Variants in PTDSS1 observed in about 807,000 individuals in gnomAD.
The protein encoded by PTDSS1 is PSS-1.
In PTDSS1, 45 loss-of-function variants were observed where a neutral mutation model predicts 70.5. The observed-to-expected ratio is 0.64, with a 90% confidence interval of 0.50 to 0.82. PTDSS1 has a LOEUF of 0.82. PTDSS1 is among the 40% of genes least tolerant of loss of function. PTDSS1 has a pLI of 0.00. For missense variants in PTDSS1, 417 were observed against 586.1 expected, an observed-to-expected ratio of 0.71 and a Z score of 2.98; for synonymous variants, 188 against 203.8, an observed-to-expected ratio of 0.92 and a Z score of 0.66.
chr8:96,286,641 C>G (rs1250976561), intron 3 of PTDSS1, among the ~76,000 whole-genome samples: 2 of 152,220 alleles, frequency 1.3e-5, no homozygotes. Context: ...CTCCATTCCC[C>G]TCTCTGCCAG....
chr8:96,305,291 T>C (rs985059654), intron 7 of PTDSS1, among the ~76,000 whole-genome samples: 1 of 152,218 alleles, frequency 6.6e-6, no homozygotes, highest in South Asian at 2.1e-4. Flanking sequence ...TATGTGATAT[T>C]AATTAGACTA....
chr8:96,276,435 A>G (rs1810642086), intron 2 of PTDSS1, among the ~76,000 whole-genome samples: 1 of 152,188 alleles, frequency 6.6e-6, no homozygotes, highest in Non-Finnish European at 1.5e-5. Flanking sequence ...GATTCTGGAA[A>G]GATAAAACTG....
chr8:96,262,546 T>A lies in PTDSS1; in HGVS notation c.179+327T>A, dbSNP rs552834778. ...CACACAACATCACGACGCGGGCCCC[T>A]CCTCTGCACTGCTCCAGCCTTCGTC... On this transcript the variant is annotated intron_variant, in intron 1 of 12. Coordinates refer to ENST00000517309, the MANE Select transcript of PTDSS1 (RefSeq NM_014754.3). The surrounding 1 kb of genome is among the most constrained non-coding windows in gnomAD (Gnocchi z 4.4). Among the ~76,000 whole-genome samples, 81 of 152,024 alleles carry A rather than the reference T, an allele frequency of 5.3e-4. No homozygotes were observed. Among genetic ancestry groups the A allele is most frequent in the Non-Finnish European group, 1.5e-4 (10 of 67,966 alleles).
chr8:96,301,065 A>G (rs551336857), intron 6 of PTDSS1, among the ~76,000 whole-genome samples: 4 of 152,272 alleles, frequency 2.6e-5, no homozygotes, highest in Non-Finnish European at 4.4e-5. Context: ...TGTGCTTTCT[A>G]CAGATTAAGC....
chr8:96,314,195 C>T (rs1811252159), intron 9 of PTDSS1, among the ~76,000 whole-genome samples: 1 of 152,086 alleles, frequency 6.6e-6, no homozygotes, highest in Non-Finnish European at 1.5e-5. Context: ...TAGGCACACA[C>T]CACAATGTCC....
intron 9 of PTDSS1, 43 bp from the exon 10 acceptor site, chr8:96,320,203 G>A: frequency 6.7e-7 from 1 of 1,491,378 alleles, no homozygotes; most frequent in Admixed American, 1.7e-5. Context: ...GTATGCTCTG[G>A]TAAGATGGAT....
intron 7 of PTDSS1, among the ~76,000 whole-genome samples, chr8:96,305,715 T>C (rs896322900): frequency 2.6e-5 from 4 of 152,140 alleles, no homozygotes; most frequent in Admixed American, 6.6e-5. Flanking sequence ...AGTTTTACTC[T>C]TGTCACCCAA....
At chr8:96,322,761 A>C (rs1811390166) in intron 10 of PTDSS1, among the ~76,000 whole-genome samples, 1 of 152,208 alleles carries the variant, frequency 6.6e-6, no homozygotes, top group Admixed American at 6.5e-5. Context: ...CAAAGTTCAG[A>C]GTCTCATCTA....
chr8:96,326,665 A>C (rs1811442587), intron 10 of PTDSS1, among the ~76,000 whole-genome samples: 1 of 152,204 alleles, frequency 6.6e-6, no homozygotes, highest in South Asian at 2.1e-4. Flanking sequence ...TCCCCTGCTT[A>C]GGAAGGGCTT....
Position 96,262,956 on chromosome 8 carries a change from C to T in PTDSS1, c.179+737C>T, listed in dbSNP as rs1810432041. Among the ~76,000 whole-genome samples, 1 of 152,200 alleles carries T rather than the reference C, an allele frequency of 6.6e-6. No individual in the cohort carries two copies. The highest frequency in any genetic ancestry group is 2.1e-4 in the South Asian group (1 of 4,830). On this transcript the variant is annotated intron_variant, in intron 1 of 12. Transcript: ENST00000517309. The surrounding 1 kb of genome is among the most constrained non-coding windows in gnomAD (Gnocchi z 4.4). The stretch of plus-strand genomic sequence containing the variant: ...TCATCTGTGTACATGGCTGCACAGA[C>T]ACCAGCCCGCCACACATCACGCGGT...
At chr8:96,326,272 T>C (rs1378684219) in intron 10 of PTDSS1, among the ~76,000 whole-genome samples, 1 of 152,192 alleles carries the variant, frequency 6.6e-6, no homozygotes, top group Non-Finnish European at 1.5e-5. Context: ...CCATGAAATA[T>C]GCTCTGACCT....
At chr8:96,327,291 T>C (rs527854805) in intron 10 of PTDSS1, among the ~76,000 whole-genome samples, 20 of 152,100 alleles carry the variant, frequency 1.3e-4, no homozygotes, top group Non-Finnish European at 1.9e-4. Flanking sequence ...GATACCTTAA[T>C]AAGAGGTCAG....
intron 10 of PTDSS1, among the ~76,000 whole-genome samples, chr8:96,327,680 A>G (rs1811456841): frequency 6.6e-6 from 1 of 152,116 alleles, no homozygotes; most frequent in African/African-American, 2.4e-5. Context: ...GTGCTGGTTA[A>G]TAAGCTTTTC....
intron 4 of PTDSS1, among the ~76,000 whole-genome samples, chr8:96,290,883 AT>A (rs1318617528): frequency 6.8e-6 from 1 of 147,908 alleles, no homozygotes; most frequent in Non-Finnish European, 1.5e-5. Context: ...TTCATAAAAT[AT>A]ATATTATAAA....
At chr8:96,276,610 G>A (rs1244840480) in intron 2 of PTDSS1, among the ~76,000 whole-genome samples, 4 of 152,212 alleles carry the variant, frequency 2.6e-5, no homozygotes, top group Non-Finnish European at 5.9e-5. Flanking sequence ...CAGGGCCACA[G>A]CTGTGCATTT....
chr8:96,309,970 C>T (rs1303517920), intron 9 of PTDSS1, among the ~76,000 whole-genome samples: 1 of 151,818 alleles, frequency 6.6e-6, no homozygotes, highest in East Asian at 2.0e-4. Context: ...CGAGACTAAC[C>T]TGGTCAACAT....
At chr8:96,273,195 A>G (rs564672847) in intron 1 of PTDSS1, 104 bp from the exon 2 acceptor site, 21 of 711,112 alleles carry the variant, frequency 3.0e-5, no homozygotes, top group Non-Finnish European at 3.9e-5. Flanking sequence ...ATCCTGTCAT[A>G]CATCTGGCAG....
chr8:96,277,609 A>T (rs961276069), intron 2 of PTDSS1, among the ~76,000 whole-genome samples: 1 of 152,244 alleles, frequency 6.6e-6, no homozygotes, highest in Non-Finnish European at 1.5e-5. Context: ...AGTGGATAGC[A>T]TGTCCGGAAA....
intron 4 of PTDSS1, among the ~76,000 whole-genome samples, chr8:96,292,041 GAGGCCATGGTGGGC>G (rs1408327004): frequency 6.6e-6 from 1 of 152,052 alleles, no homozygotes. Flanking sequence ...AGCATTTTGG[GAGGCCATGGTGGGC>G]AGATCATAAG....
Sources: allele counts gnomAD v4.1 joint callset (sites outside exome capture counted in the v4.1 genomes callset), GRCh38; gene constraint gnomAD v4.1.1; non-coding constraint Gnocchi (gnomAD v3.1); transcripts MANE v1.5; gene names NCBI Gene and HGNC (gene_info 2026-07-23, HGNC 2026-07-21).